The following TNKS variants were observed in gnomAD, a reference collection of about 807,000 sequenced individuals.
The protein encoded by TNKS is poly [ADP-ribose] polymerase tankyrase-1.
Under a neutral mutation model 135.8 loss-of-function variants are expected in TNKS, and 72 were observed. The observed-to-expected ratio is 0.53, with a 90% confidence interval of 0.44 to 0.64. TNKS has a LOEUF of 0.64. Ranked by LOEUF, TNKS falls within the 30% of genes least tolerant of loss-of-function variation. The pLI is 0.00. For synonymous variants in TNKS, 849 were observed against 649.3 expected, an observed-to-expected ratio of 1.31 and a Z score of -4.68; for missense variants, 1,769 against 1,674.0, an observed-to-expected ratio of 1.06 and a Z score of -0.99.
intron 2 of TNKS, among the ~76,000 whole-genome samples, chr8:9,601,611 A>G (rs956827374): frequency 6.6e-6 from 1 of 152,074 alleles, no homozygotes; most frequent in Admixed American, 6.6e-5. Flanking sequence ...TTTGAGGCAC[A>G]TTTTTGCCTT....
At chr8:9,763,498 AAAAT>A (rs1217374314) in intron 22 of TNKS, among the ~76,000 whole-genome samples, 1 of 152,186 alleles carries the variant, frequency 6.6e-6, no homozygotes, top group Non-Finnish European at 1.5e-5. Context: ...AATCTCATGC[AAAAT>A]AAATAAGGAG....
rs572313862 is a variant in TNKS at position 9,640,417 on chromosome 8, G to C, written c.994+24740G>C. On this transcript the variant is annotated intron_variant, in intron 3 of 26. Coordinates refer to ENST00000310430, the MANE Select transcript of TNKS (RefSeq NM_003747.3). ...TGGGGATTTTTAACATATGAACTTT[G>C]GGGGATACATTCAAACCATATCATA... 2.2e-4 allele frequency among the ~76,000 whole-genome samples: 32 copies of C among 145,144 alleles called. 5 individuals are homozygous for C. The highest frequency in any genetic ancestry group is 8.2e-4 in the African/African-American group (32 of 39,156).
chr8:9,718,668 T>C lies in TNKS; in HGVS notation c.1750-1706T>C, dbSNP rs191326741. Among the ~76,000 whole-genome samples, 838 of 152,288 alleles carry C rather than the reference T, an allele frequency of 5.5e-3. 2 individuals carry two copies. The highest frequency in any genetic ancestry group is 9.5e-3 in the Non-Finnish European group (649 of 68,020). On this transcript the variant is annotated intron_variant, in intron 11 of 26. Transcript: ENST00000310430. ...GTACACTAAGGTTGCAATCTCTAGATACAAGGAAAAGTGGGAATATGTTTT... is the reference window on the plus strand; with the variant it reads ...GTACACTAAGGTTGCAATCTCTAGACACAAGGAAAAGTGGGAATATGTTTT...
chr8:9,667,925 C>T (rs1236719655), intron 3 of TNKS, among the ~76,000 whole-genome samples: 1 of 150,222 alleles, frequency 6.7e-6, no homozygotes, highest in South Asian at 2.1e-4. Context: ...AATATACAGG[C>T]ACTGTTTACA....
At chr8:9,710,973 A>C (rs1359598943) in intron 11 of TNKS, among the ~76,000 whole-genome samples, 7 of 152,206 alleles carry the variant, frequency 4.6e-5, no homozygotes. Flanking sequence ...CATATTTAAT[A>C]ATTTTTACTG....
intron 22 of TNKS, among the ~76,000 whole-genome samples, chr8:9,764,003 C>G (rs968589263): frequency 2.6e-5 from 4 of 152,250 alleles, no homozygotes; most frequent in Admixed American, 2.0e-4. Context: ...CGTAGCGCAT[C>G]AGGAAGGCAT....
intron 20 of TNKS, among the ~76,000 whole-genome samples, chr8:9,755,255 C>T (rs1004747315): frequency 1.3e-5 from 2 of 152,188 alleles, no homozygotes; most frequent in South Asian, 4.1e-4. Context: ...AGTTTAGTCT[C>T]CTAGTCACTC....
At chr8:9,614,826 T>G (rs903680170) in intron 2 of TNKS, among the ~76,000 whole-genome samples, 9 of 152,216 alleles carry the variant, frequency 5.9e-5, no homozygotes, top group African/African-American at 1.7e-4. Context: ...ATGCTTTGGA[T>G]TAATATATCT....
intron 3 of TNKS, among the ~76,000 whole-genome samples, chr8:9,633,765 C>G (rs1194042895): frequency 6.6e-6 from 1 of 152,170 alleles, no homozygotes; most frequent in Non-Finnish European, 1.5e-5. Flanking sequence ...TGGGGAGGTA[C>G]TGAAGTCTCT....
intron 2 of TNKS, among the ~76,000 whole-genome samples, chr8:9,607,920 G>T (rs1174206548): frequency 6.6e-6 from 1 of 152,050 alleles, no homozygotes; most frequent in East Asian, 1.9e-4. Context: ...ACTAATAGAT[G>T]TTGATGACAC....
chr8:9,642,629 T>C (rs981503797), intron 3 of TNKS, among the ~76,000 whole-genome samples: 4 of 146,380 alleles, frequency 2.7e-5, no homozygotes, highest in African/African-American at 5.0e-5. Context: ...AAGATTTTAG[T>C]TTAATATACT....
At chr8:9,769,693 C>A (rs1449604875) in intron 25 of TNKS, among the ~76,000 whole-genome samples, 1 of 144,408 alleles carries the variant, frequency 6.9e-6, no homozygotes. Flanking sequence ...GATCTCGGCT[C>A]ACTGCAAGCT....
intron 5 of TNKS, among the ~76,000 whole-genome samples, chr8:9,683,951 T>A (rs1282908377): frequency 2.0e-5 from 3 of 151,806 alleles, no homozygotes; most frequent in Non-Finnish European, 4.4e-5. Flanking sequence ...TTTATTGGCT[T>A]TTTTTTTCCC....
intron 3 of TNKS, among the ~76,000 whole-genome samples, chr8:9,677,959 C>T (rs1802615977): frequency 6.6e-6 from 1 of 152,154 alleles, no homozygotes; most frequent in Admixed American, 6.5e-5. Flanking sequence ...CAAGTTTCCC[C>T]TCTTCCAGGA....
rs192719338 is a variant in TNKS at position 9,560,268 on chromosome 8, A to G, written c.673+3656A>G. Among the ~76,000 whole-genome samples, 6 of 152,134 alleles carry G rather than the reference A, an allele frequency of 3.9e-5. No homozygotes were observed. In the East Asian group the frequency reaches 7.7e-4, roughly 20 times the overall value. The stretch of plus-strand genomic sequence containing the variant: ...GTAAAACATTAAATTCTGAGATTTT[A>G]TAGTATTTACATGAAATTGAAGAAA... On this transcript the variant is annotated intron_variant, in intron 1 of 26. Transcript: ENST00000310430.
intron 3 of TNKS, among the ~76,000 whole-genome samples, chr8:9,617,030 C>G (rs1443255300): frequency 6.6e-6 from 1 of 152,180 alleles, no homozygotes; most frequent in Non-Finnish European, 1.5e-5. Context: ...TAAATGTCCT[C>G]CCTCTGACGT....
At chr8:9,698,827 A>T (rs1803655628) in intron 5 of TNKS, among the ~76,000 whole-genome samples, 1 of 152,250 alleles carries the variant, frequency 6.6e-6, no homozygotes, top group African/African-American at 2.4e-5. Flanking sequence ...AAAGATAGAC[A>T]AATGCAAGTT....
intron 3 of TNKS, among the ~76,000 whole-genome samples, chr8:9,631,217 T>C (rs1399987731): frequency 6.6e-6 from 1 of 152,208 alleles, no homozygotes; most frequent in Non-Finnish European, 1.5e-5. Flanking sequence ...AATCTTTACA[T>C]AGCTAGAATC....
intron 3 of TNKS, among the ~76,000 whole-genome samples, chr8:9,660,735 A>T (rs1198654604): frequency 1.3e-5 from 2 of 152,186 alleles, no homozygotes; most frequent in African/African-American, 2.4e-5. Flanking sequence ...AGTCCTGGCC[A>T]GGGCAATCAG....
Sources: allele counts gnomAD v4.1 joint callset (sites outside exome capture counted in the v4.1 genomes callset), GRCh38; gene constraint gnomAD v4.1.1; transcripts MANE v1.5; gene names NCBI Gene and HGNC (gene_info 2026-07-23, HGNC 2026-07-21).